AARS1: variants seen among roughly 807,000 people sequenced by gnomAD.
The protein encoded by AARS1 is alanine--tRNA ligase, cytoplasmic.
In AARS1, 72 loss-of-function variants were observed where a neutral mutation model predicts 108.9. That is an observed-to-expected ratio of 0.66 (90% confidence interval 0.55 to 0.80). AARS1 has a LOEUF of 0.80. Ranked by LOEUF, AARS1 falls within the 30% of genes least tolerant of loss-of-function variation. The pLI is 0.00. For synonymous variants in AARS1, 489 were observed against 465.7 expected (o/e 1.05, Z -0.64); for missense variants, 1,193 against 1,233.2 (o/e 0.97, Z 0.49).
chr16:70,281,797 T>C (rs930312118), intron 2 of AARS1, among the ~76,000 whole-genome samples: 5 of 152,070 alleles, frequency 3.3e-5, no homozygotes, highest in Non-Finnish European at 7.4e-5. Context: ...GGCTACAGCA[T>C]GCTAGGATCA....
intron 1 of AARS1, among the ~76,000 whole-genome samples, chr16:70,284,604 CAAACAA>C (rs1555543236): frequency 2.0e-5 from 3 of 151,950 alleles, no homozygotes; most frequent in Admixed American, 6.6e-5. Flanking sequence ...TGTCAACAAA[CAAACAA>C]AAACAAAAAC....
chr16:70,281,910 G>A (rs1321638119), intron 2 of AARS1, among the ~76,000 whole-genome samples: 1 of 151,964 alleles, frequency 6.6e-6, no homozygotes, highest in African/African-American at 2.4e-5. Context: ...CCAGCGCTTT[G>A]AGAGGCCGAG....
intron 11 of AARS1, among the ~76,000 whole-genome samples, chr16:70,263,900 G>C (rs377624230): frequency 3.3e-5 from 5 of 152,108 alleles, no homozygotes; most frequent in East Asian, 2.0e-4. Flanking sequence ...GCATCCCGAA[G>C]TGCTGGGATT....
rs2152149667 is a variant in AARS1, at chr16:70,253,251, T to A, written c.2721+17A>T. 1 of 1,582,928 alleles carries A rather than the reference T, an allele frequency of 6.3e-7. No individual in the cohort carries two copies. The stretch of plus-strand genomic sequence containing the variant: ...CTTAAGACCTAACACTTCCCACTGG[T>A]GCGAGGTGGTGCTGACCTGGGGAAC... On this transcript the variant is annotated intron_variant, in intron 20 of 20. Coordinates refer to ENST00000261772, the MANE Select transcript of AARS1 (RefSeq NM_001605.3).
intron 9 of AARS1, among the ~76,000 whole-genome samples, chr16:70,267,295 CCCA>C (rs1374775679): frequency 6.6e-6 from 1 of 152,132 alleles, no homozygotes; most frequent in Non-Finnish European, 1.5e-5. Flanking sequence ...ACCAAATATT[CCCA>C]CTTTTGCTTG....
At chr16:70,278,338 G>A (rs1484402220) in intron 2 of AARS1, among the ~76,000 whole-genome samples, 1 of 151,950 alleles carries the variant, frequency 6.6e-6, no homozygotes, top group Non-Finnish European at 1.5e-5. Context: ...GGCTGAGGTG[G>A]GCGGATCACC....
In AARS1 at chr16:70,262,512, G is replaced by A. The variant is rs1490397633; in HGVS notation, c.1505C>T (p.Thr502Ile). ...GCGCAGAGCCATCACCGTAGCCACT[G>A]TGTTCTCAAATACTGCTCAAGGGAA... ...DSSGSYVFENTVATVMALRRE... is the reference protein window; with the variant it reads ...DSSGSYVFENIVATVMALRRE... Residue 502 changes from threonine to isoleucine, a missense_variant, in exon 12 of 21, where the codon ACA becomes ATA. By Grantham distance (89) the Thr-to-Ile change is moderately conservative. Transcript: ENST00000261772. 1 of 1,613,058 alleles carries A rather than the reference G, an allele frequency of 6.2e-7. No individual in the cohort carries two copies. Among genetic ancestry groups the A allele is most frequent in the Non-Finnish European group, 8.5e-7 (1 of 1,179,124 alleles).
chr16:70,257,805 T>A (rs1000462822), intron 15 of AARS1, among the ~76,000 whole-genome samples: 4 of 152,218 alleles, frequency 2.6e-5, no homozygotes, highest in African/African-American at 9.6e-5. Context: ...ATACAATGTT[T>A]TCCCCCTTTT....
Position 70,265,396 on chromosome 16 carries a change from C to G in AARS1, c.1347+142G>C, listed in dbSNP as rs1960237947. 3 of 1,320,482 alleles carry G rather than the reference C, an allele frequency of 2.3e-6. No individual in the cohort carries two copies. The Admixed American group carries it at 5.1e-5, about 22-fold the overall frequency. 81.8% of individuals were successfully genotyped at this position (1,320,482 alleles called of 1,614,324 possible). On this transcript the variant is annotated intron_variant, in intron 10 of 20. Transcript: ENST00000261772. ...CGCCAATTACTCCCTGGAAGGCAGA[C>G]TCGCCCCCACTTGAGAACCACTGAT... is the stretch of plus-strand genomic sequence containing the variant.
chr16:70,270,317 G>A lies in AARS1; in HGVS notation c.695C>T (p.Pro232Leu), dbSNP rs1960369129. ...YNREADGILK[P>L]LPKKSIDTGM... ...TGTGTCAATGCTTTTCTTGGGAAGA[G>A]GTTTCAGAATGCCATCAGCTTCCCT... The change falls in exon 6 of 21, where the codon CCT becomes CTT. Residue 232 changes from proline (P) to leucine (L), a missense_variant. Pro to Leu is a moderately conservative substitution (Grantham distance 98, BLOSUM62 -3). Transcript: ENST00000261772. 1 of 1,614,038 alleles carries A rather than the reference G, an allele frequency of 6.2e-7. No individual in the cohort carries two copies. The highest frequency in any genetic ancestry group is 8.5e-7 in the Non-Finnish European group (1 of 1,180,042).
chr16:70,265,829 G>A (rs983724481), intron 9 of AARS1, among the ~76,000 whole-genome samples, 167 bp from the exon 10 acceptor site: 2 of 152,198 alleles, frequency 1.3e-5, no homozygotes, highest in Non-Finnish European at 2.9e-5. Flanking sequence ...CAGTTAACCT[G>A]GGGGAAGCAC....
chr16:70,268,431 T>C (rs961635906), intron 7 of AARS1, 52 bp from the exon 8 acceptor site: 28 of 1,526,010 alleles, frequency 1.8e-5, no homozygotes, highest in Non-Finnish European at 2.5e-5. Flanking sequence ...GGTTTTGTCT[T>C]GAGTCCCTTG....
intron 6 of AARS1, 62 bp downstream of exon 6, chr16:70,270,134 T>C: frequency 6.3e-7 from 1 of 1,596,632 alleles, no homozygotes; most frequent in Non-Finnish European, 8.6e-7. Flanking sequence ...TTGACAGCAC[T>C]GTTAAGAGTA....
chr16:70,262,988 A>AAAAAAAAAAAAAAAAAAAAAAC (rs1960176447), intron 11 of AARS1, among the ~76,000 whole-genome samples: 1 of 147,602 alleles, frequency 6.8e-6, no homozygotes, highest in Non-Finnish European at 1.5e-5. Context: ...AAAAAAAAAA[A>AAAAAAAAAAAAAAAAAAAAAAC]AAAAAAAAAA....
intron 1 of AARS1, among the ~76,000 whole-genome samples, chr16:70,286,037 G>C (rs1424689046): frequency 6.6e-6 from 1 of 152,098 alleles, no homozygotes; most frequent in African/African-American, 2.4e-5. Context: ...TCCTTCCTGA[G>C]GAGACTATCA....
intron 16 of AARS1, 132 bp downstream of exon 16, chr16:70,255,596 G>C (rs1959968959): frequency 8.9e-6 from 7 of 786,382 alleles, no homozygotes; most frequent in Non-Finnish European, 1.5e-5. Context: ...CACTGGGGCA[G>C]GGGGAGTGGC....
At chr16:70,274,678 C>T (rs866372368) in intron 4 of AARS1, among the ~76,000 whole-genome samples, 31 of 144,064 alleles carry the variant, frequency 2.2e-4, no homozygotes, top group Middle Eastern at 7.0e-3. Flanking sequence ...GAGCTGAGAT[C>T]GCGTCATTGC....
Position 70,252,318 on chromosome 16 carries a change from C to A in AARS1, c.*403G>T. ...GCCAGCAGGAGCCACAGCATTTATT[C>A]TACAGACGCCAAAGGCTGTCAAAAG... is the stretch of plus-strand genomic sequence containing the variant. On this transcript the variant is annotated 3_prime_UTR_variant, in exon 21 of 21. Coordinates refer to ENST00000261772, the MANE Select transcript of AARS1 (RefSeq NM_001605.3). The A allele has an allele frequency of 3.0e-6, 1 of 332,910 alleles. No homozygotes were observed. Among genetic ancestry groups the A allele is most frequent in the Non-Finnish European group, 5.6e-6 (1 of 178,774 alleles). 20.6% of individuals were successfully genotyped at this position (332,910 alleles called of 1,614,324 possible).
rs1960566108 is a variant in AARS1, at chr16:70,276,947, T to A, written c.333+19A>T. 3 of 1,613,992 alleles carry A rather than the reference T, an allele frequency of 1.9e-6. No homozygotes were observed. The highest frequency in any genetic ancestry group is 2.5e-6 in the Non-Finnish European group (3 of 1,179,866). ...CCATTTTCCTCAAAACCCTAGTGGTTCTTCTGCTCTGAACTTACCTTAAAG... is the reference window on the plus strand; with the variant it reads ...CCATTTTCCTCAAAACCCTAGTGGTACTTCTGCTCTGAACTTACCTTAAAG... On this transcript the variant is annotated intron_variant, in intron 3 of 20. Transcript: ENST00000261772.
Sources: allele counts gnomAD v4.1 joint callset (sites outside exome capture counted in the v4.1 genomes callset), GRCh38; gene constraint gnomAD v4.1.1; transcripts MANE v1.5; gene names NCBI Gene and HGNC (gene_info 2026-07-23, HGNC 2026-07-21).